TENM4: variants seen among roughly 807,000 people sequenced by gnomAD.
The protein encoded by TENM4 is teneurin-4.
Under a neutral mutation model 243.3 loss-of-function variants are expected in TENM4, and 82 were observed. That is an observed-to-expected ratio of 0.34 (90% confidence interval 0.28 to 0.40). The LOEUF is 0.40. Ranked by LOEUF, TENM4 falls within the 10% of genes least tolerant of loss-of-function variation. The pLI is 1.00. For synonymous variants in TENM4, 1,412 were observed against 1,456.3 expected, an observed-to-expected ratio of 0.97 and a Z score of 0.69; for missense variants, 3,138 against 3,673.3, an observed-to-expected ratio of 0.85 and a Z score of 3.77.
intron 6 of TENM4, among the ~76,000 whole-genome samples, chr11:79,003,238 A>G (rs1440960783): frequency 6.6e-6 from 1 of 152,188 alleles, no homozygotes; most frequent in Non-Finnish European, 1.5e-5. Flanking sequence ...TGAGGATATC[A>G]CCCAGGAAAA....
At chr11:78,795,616 C>T (rs1024871452) in intron 15 of TENM4, among the ~76,000 whole-genome samples, 3 of 152,038 alleles carry the variant, frequency 2.0e-5, no homozygotes, top group Admixed American at 6.6e-5. Flanking sequence ...TGAAATTATT[C>T]GTATCCACAA....
At chr11:79,255,004 G>A (rs1855676125) in intron 2 of TENM4, among the ~76,000 whole-genome samples, 1 of 152,170 alleles carries the variant, frequency 6.6e-6, no homozygotes, top group Non-Finnish European at 1.5e-5. Flanking sequence ...GGCGTCATAT[G>A]CCTTGCAGAT....
intron 2 of TENM4, among the ~76,000 whole-genome samples, chr11:79,276,551 G>A (rs1044322166): frequency 2.0e-5 from 3 of 152,172 alleles, no homozygotes; most frequent in Non-Finnish European, 2.9e-5. Flanking sequence ...TTCTCCTAGC[G>A]CAGGCCCAGC....
chr11:79,118,711 G>A (rs935250308), intron 4 of TENM4, among the ~76,000 whole-genome samples: 16 of 152,108 alleles, frequency 1.1e-4, no homozygotes, highest in Non-Finnish European at 1.3e-4. Context: ...GTTGATCCAC[G>A]TTGTAGCATG....
chr11:78,858,574 CT>C (rs1858735557), intron 10 of TENM4, among the ~76,000 whole-genome samples: 1 of 152,062 alleles, frequency 6.6e-6, no homozygotes, highest in African/African-American at 2.4e-5. Context: ...AAATGCCTTC[CT>C]TCTGTCTTGC....
At chr11:79,072,366 A>G (rs1236236975) in intron 4 of TENM4, among the ~76,000 whole-genome samples, 3 of 152,096 alleles carry the variant, frequency 2.0e-5, no homozygotes, top group African/African-American at 7.2e-5. Flanking sequence ...ACATGCCTAT[A>G]GTCTCAGCTA....
chr11:79,268,877 T>C (rs1855922918), intron 2 of TENM4, among the ~76,000 whole-genome samples: 1 of 152,210 alleles, frequency 6.6e-6, no homozygotes, highest in Admixed American at 6.5e-5. Flanking sequence ...GGCTGTAATA[T>C]GTGTTATATG....
In TENM4 at chr11:79,154,429, A is replaced by G. The variant is rs1387874499; in HGVS notation, c.-162-5623T>C. Among the ~76,000 whole-genome samples the G allele has an allele frequency of 4.6e-5, 7 of 152,080 alleles. No homozygotes were observed. The East Asian group carries it at 9.6e-4, about 21-fold the overall frequency. On this transcript the variant is annotated intron_variant, in intron 3 of 33. Transcript: ENST00000278550. Reference sequence around the variant, plus strand: ...TGTCCCCATGTCCCAAACACCTCCCACTAGGCCCACCTCCAACACTGGAGG... The same window carrying G: ...TGTCCCCATGTCCCAAACACCTCCCGCTAGGCCCACCTCCAACACTGGAGG...
intron 1 of TENM4, among the ~76,000 whole-genome samples, chr11:79,299,513 A>T (rs1372227181): frequency 6.6e-6 from 1 of 152,206 alleles, no homozygotes; most frequent in African/African-American, 2.4e-5. Flanking sequence ...CATTGTCCTC[A>T]GCTTTTCCGT....
chr11:78,883,596 C>T (rs569108217), intron 9 of TENM4, among the ~76,000 whole-genome samples: 11 of 152,308 alleles, frequency 7.2e-5, no homozygotes, highest in Admixed American at 2.6e-4. Context: ...AAGCCTTTTT[C>T]GTCTCCTATT....
At chr11:78,844,440 G>A (rs1162246558) in intron 12 of TENM4, among the ~76,000 whole-genome samples, 1 of 152,090 alleles carries the variant, frequency 6.6e-6, no homozygotes, top group African/African-American at 2.4e-5. Context: ...TCAGGAGATC[G>A]AGACCATCCT....
chr11:79,111,962 A>C (rs1340874899), intron 4 of TENM4, among the ~76,000 whole-genome samples: 1 of 149,548 alleles, frequency 6.7e-6, no homozygotes, highest in Non-Finnish European at 1.5e-5. Context: ...ATGGAGTTAC[A>C]AAAAAAAATC....
At chr11:79,231,034 G>A (rs1864363771) in intron 2 of TENM4, among the ~76,000 whole-genome samples, 1 of 152,174 alleles carries the variant, frequency 6.6e-6, no homozygotes, top group African/African-American at 2.4e-5. Context: ...AACCTTGGCT[G>A]GGGATTCTGC....
rs577932267 is a variant in TENM4, at chr11:78,984,937, G to A, written c.493+79801C>T. On this transcript the variant is annotated intron_variant, in intron 6 of 33. Transcript: ENST00000278550. ...ACAGTACAAGTTCTAGACCATTTCT[G>A]TTACAGCAGTGAGTTCTACTGGAGA... 2.0e-3 allele frequency among the ~76,000 whole-genome samples: 308 copies of A among 152,280 alleles called. 2 individuals are homozygous for A. Among genetic ancestry groups the A allele is most frequent in the Non-Finnish European group, 3.3e-3 (223 of 68,020 alleles).
intron 7 of TENM4, among the ~76,000 whole-genome samples, chr11:78,891,607 C>T (rs564507616): frequency 1.1e-3 from 168 of 152,244 alleles, no homozygotes; most frequent in African/African-American, 3.8e-3. Flanking sequence ...GACATGTGTC[C>T]GGGACTGAGC....
intron 15 of TENM4, 83 bp from the exon 16 acceptor site, chr11:78,787,166 G>C (rs1856958068): frequency 7.1e-7 from 1 of 1,414,492 alleles, no homozygotes; most frequent in Non-Finnish European, 9.4e-7. Context: ...AGAGGAGAGA[G>C]AAAAACAACA....
At chr11:79,226,057 TCA>T (rs1864259074) in intron 2 of TENM4, among the ~76,000 whole-genome samples, 1 of 152,124 alleles carries the variant, frequency 6.6e-6, no homozygotes, top group African/African-American at 2.4e-5. Flanking sequence ...CTTCATACAT[TCA>T]CACAGTTTGA....
intron 6 of TENM4, among the ~76,000 whole-genome samples, chr11:78,909,259 A>G (rs1856128677): frequency 6.6e-6 from 1 of 152,232 alleles, no homozygotes; most frequent in Admixed American, 6.5e-5. Context: ...CAGCATCATC[A>G]TCGCATACAT....
chr11:79,254,254 A>T lies in TENM4; in HGVS notation c.-264-38345T>A, dbSNP rs1449116139. 2.0e-5 allele frequency among the ~76,000 whole-genome samples: 3 copies of T among 152,152 alleles called. No homozygotes were observed. In the East Asian group the frequency reaches 5.8e-4, roughly 29 times the overall value. On this transcript the variant is annotated intron_variant, in intron 2 of 33. Coordinates refer to ENST00000278550, the MANE Select transcript of TENM4 (RefSeq NM_001098816.3). Reference sequence around the variant, plus strand: ...CACAGCAAAAAACTAGAAAAACGTAAGTGTCTTTGAGCAGAGACTGAGGTA... The same window carrying T: ...CACAGCAAAAAACTAGAAAAACGTATGTGTCTTTGAGCAGAGACTGAGGTA...
Sources: allele counts gnomAD v4.1 joint callset (sites outside exome capture counted in the v4.1 genomes callset), GRCh38; gene constraint gnomAD v4.1.1; transcripts MANE v1.5; gene names NCBI Gene and HGNC (gene_info 2026-07-23, HGNC 2026-07-21).